The following ZNF787 variants were observed in gnomAD, a reference collection of about 807,000 sequenced individuals.
ZNF787 encodes zinc finger protein 787, also known as TTF-I-interacting peptide 20.
In ZNF787, 7 loss-of-function variants were observed where a neutral mutation model predicts 16.9. That is an observed-to-expected ratio of 0.42 (90% CI 0.24 to 0.78). The LOEUF (loss-of-function observed/expected upper bound fraction) is 0.78, where lower values mean the gene tolerates loss of function less well. Among genes scored for constraint, ZNF787 ranks in the 30% least tolerant of loss-of-function variants. The pLI is 0.30. For synonymous variants in ZNF787, 345 were observed against 270.9 expected, an observed-to-expected ratio of 1.27 and a Z score of -2.69; for missense variants, 551 against 589.3, an observed-to-expected ratio of 0.94 and a Z score of 0.67.
chr19:56,108,426 C>T (rs1430700548), intron 1 of ZNF787, among the ~76,000 whole-genome samples: 1 of 151,786 alleles, frequency 6.6e-6, no homozygotes, highest in Non-Finnish European at 1.5e-5. Context: ...CACCCTGCCC[C>T]TGCCCAGAGC....
chr19:56,118,648 A>G (rs1015867561), intron 1 of ZNF787, among the ~76,000 whole-genome samples: 1 of 152,122 alleles, frequency 6.6e-6, no homozygotes, highest in African/African-American at 2.4e-5. Context: ...GTTCCTGCAA[A>G]GTGTGCACCA....
chr19:56,094,624 C>A (rs1219122515), intron 2 of ZNF787, among the ~76,000 whole-genome samples: 1 of 152,152 alleles, frequency 6.6e-6, no homozygotes, highest in Non-Finnish European at 1.5e-5. Flanking sequence ...GCTGCCCCCT[C>A]GTTTCTGAGT....
intron 1 of ZNF787, among the ~76,000 whole-genome samples, chr19:56,107,281 G>A (rs1053401096): frequency 6.6e-6 from 1 of 152,144 alleles, no homozygotes; most frequent in African/African-American, 2.4e-5. Flanking sequence ...TTCACACACA[G>A]ACCATCAGGC....
Position 56,107,922 on chromosome 19 carries a change from T to C in ZNF787, c.-10-4695A>G, listed in dbSNP as rs1348505512. ...GCATGCTGGGGGCTGCGGGAGGGGC[T>C]GCAGGTGTGTGGGGCAGTACCTGCC... On this transcript the variant is annotated intron_variant, in intron 1 of 2. Transcript: ENST00000610935. 2.7e-5 allele frequency among the ~76,000 whole-genome samples: 4 copies of C among 149,568 alleles called. No individual in the cohort carries two copies. The South Asian group carries it at 6.2e-4, about 23-fold the overall frequency.
intron 2 of ZNF787, 103 bp from the exon 3 acceptor site, chr19:56,089,195 A>T: frequency 1.3e-6 from 1 of 778,118 alleles, no homozygotes; most frequent in South Asian, 2.4e-5. Context: ...CCCCTGGCGC[A>T]GGACCTGCCC....
chr19:56,096,946 C>A (rs1985896766), intron 2 of ZNF787, among the ~76,000 whole-genome samples: 1 of 152,070 alleles, frequency 6.6e-6, no homozygotes, highest in South Asian at 2.1e-4. Flanking sequence ...CACCCCTCAC[C>A]CTCTCAACAT....
rs376736234 is a variant in ZNF787 at position 56,087,868 on chromosome 19, C to G, written c.*155G>C. The stretch of plus-strand genomic sequence containing the variant: ...GCCCTAATACGCCCCAGTGCCCCCC[C>G]ACGGACGGCGCAGGGACAGAGGAGG... On this transcript the variant is annotated 3_prime_UTR_variant, in exon 3 of 3. Coordinates refer to ENST00000610935, the MANE Select transcript of ZNF787 (RefSeq NM_001002836.4). 56 of 1,188,582 alleles carry G rather than the reference C, an allele frequency of 4.7e-5. No individual in the cohort carries two copies. The highest frequency in any genetic ancestry group is 1.1e-4 in the East Asian group (3 of 27,602). The allele number at this position is 1,188,582 out of a possible 1,614,324, so 73.6% of individuals were successfully genotyped here.
intron 1 of ZNF787, among the ~76,000 whole-genome samples, chr19:56,114,951 T>C (rs1466844971): frequency 6.6e-6 from 1 of 152,184 alleles, no homozygotes; most frequent in Non-Finnish European, 1.5e-5. Flanking sequence ...CCCTTTTCTG[T>C]GGCCACTTCG....
chr19:56,096,135 C>T (rs1259204088), intron 2 of ZNF787, among the ~76,000 whole-genome samples: 1 of 151,870 alleles, frequency 6.6e-6, no homozygotes, highest in African/African-American at 2.4e-5. Context: ...GGCTCACACT[C>T]GTAGTCCCAA....
intron 2 of ZNF787, among the ~76,000 whole-genome samples, chr19:56,093,566 C>A (rs1260989691): frequency 6.6e-6 from 1 of 152,128 alleles, no homozygotes; most frequent in African/African-American, 2.4e-5. Context: ...CCTGCTCACA[C>A]CCTCCTCCCA....
chr19:56,110,148 T>C (rs1203687546), intron 1 of ZNF787, among the ~76,000 whole-genome samples: 1 of 151,952 alleles, frequency 6.6e-6, no homozygotes, highest in Non-Finnish European at 1.5e-5. Context: ...GATCACGAGG[T>C]CAGAAATTCA....
chr19:56,091,948 A>G (rs62122408), intron 2 of ZNF787, among the ~76,000 whole-genome samples: 1,824 of 25,466 alleles, frequency 0.072, 14 homozygotes, highest in South Asian at 0.36. Flanking sequence ...AGCCAAAGCC[A>G]AAGCCGAAAC....
At chr19:56,106,198 A>T (rs986272693) in intron 1 of ZNF787, among the ~76,000 whole-genome samples, 5 of 152,124 alleles carry the variant, frequency 3.3e-5, no homozygotes, top group African/African-American at 7.2e-5. Context: ...TCTGCACAGG[A>T]GAGGGACAGC....
intron 1 of ZNF787, among the ~76,000 whole-genome samples, chr19:56,111,799 G>A (rs1038241906): frequency 2.6e-5 from 4 of 152,154 alleles, no homozygotes; most frequent in South Asian, 2.1e-4. Flanking sequence ...TGTGAGCAAC[G>A]GGCAGCCGCG....
intron 2 of ZNF787, among the ~76,000 whole-genome samples, chr19:56,098,717 G>A (rs186469704): frequency 4.2e-5 from 3 of 71,884 alleles, no homozygotes; most frequent in African/African-American, 1.7e-4. Flanking sequence ...AGGTGATTAC[G>A]GCCGCAGGGT....
rs1985457335 is a variant in ZNF787 at position 56,088,863 on chromosome 19, G to A, written c.309C>T (p.Phe103=). The A allele has an allele frequency of 6.2e-7, 1 of 1,609,558 alleles. No homozygotes were observed. The highest frequency in any genetic ancestry group is 8.5e-7 in the Non-Finnish European group (1 of 1,177,872). Reference sequence around the variant, plus strand: ...GCTGCACCAGGTGCGAGCTCTGCGAGAAGGTCTTGCCGCAGTCGGCGCAGG... The same window carrying A: ...GCTGCACCAGGTGCGAGCTCTGCGAAAAGGTCTTGCCGCAGTCGGCGCAGG... The part of the protein sequence containing the change: ...PNACADCGKT[F]SQSSHLVQHR... Residue 103 remains phenylalanine (F), a synonymous_variant, in exon 3 of 3, where the codon TTC becomes TTT. Coordinates refer to ENST00000610935, the MANE Select transcript of ZNF787 (RefSeq NM_001002836.4). The surrounding 1 kb of genome is among the most constrained non-coding windows in gnomAD (Gnocchi z 8.6).
intron 2 of ZNF787, 43 bp from the exon 3 acceptor site, chr19:56,089,135 A>T: frequency 7.2e-7 from 1 of 1,387,080 alleles, no homozygotes. Flanking sequence ...AAGAGAGGCA[A>T]GGGCTCCACG....
intron 1 of ZNF787, among the ~76,000 whole-genome samples, chr19:56,109,711 C>T (rs1278479416): frequency 6.6e-6 from 1 of 152,000 alleles, no homozygotes; most frequent in East Asian, 1.9e-4. Context: ...CAGTGAAACC[C>T]CATCTCTACT....
At chr19:56,110,493 G>C (rs1568533983) in intron 1 of ZNF787, among the ~76,000 whole-genome samples, 1 of 151,140 alleles carries the variant, frequency 6.6e-6, no homozygotes, top group African/African-American at 2.4e-5. Flanking sequence ...TTAAAAATGC[G>C]TAAGACTCAG....
Sources: gnomAD v4.1 joint callset for allele counts (sites outside exome capture counted in the v4.1 genomes callset) on GRCh38, gnomAD v4.1.1 for gene constraint, Gnocchi (gnomAD v3.1) non-coding constraint, MANE v1.5 for transcripts, NCBI Gene and HGNC (gene_info 2026-07-23, HGNC 2026-07-21) for gene names.